YY1: variants seen among roughly 807,000 people sequenced by gnomAD.
The protein encoded by YY1 is transcriptional repressor protein YY1.
Under a neutral mutation model 35.6 loss-of-function variants are expected in YY1, and 2 were observed. The observed-to-expected ratio is 0.06, with a 90% CI of 0.02 to 0.18. The LOEUF is 0.18. Among genes scored for constraint, YY1 ranks in the 10% least tolerant of loss-of-function variants. The probability of loss-of-function intolerance (pLI) is 1.00; values close to 1 mark genes in which losing one functional copy is unlikely to be tolerated. For missense variants in YY1, 322 were observed against 573.4 expected, an observed-to-expected ratio of 0.56 and a Z score of 4.48; for synonymous variants, 268 against 238.9, an observed-to-expected ratio of 1.12 and a Z score of -1.12.
rs1456989718 is a variant in YY1, at chr14:100,239,162, C to T, written c.-83C>T. 23 of 1,290,350 alleles carry T rather than the reference C, an allele frequency of 1.8e-5. No homozygotes were observed. Among genetic ancestry groups the T allele is most frequent in the Non-Finnish European group, 2.2e-5 (23 of 1,024,732 alleles). 79.9% of individuals were successfully genotyped at this position (1,290,350 alleles called of 1,614,324 possible). A position where few individuals can be genotyped will look rare whatever the true frequency, so the allele number is the denominator to read the frequency against. ...CGCCTTCCTCCCTCTGCCTTCCTTCCCCACGGCCGGCCGCCTCCTCGCCCG... is the reference window on the plus strand; with the variant it reads ...CGCCTTCCTCCCTCTGCCTTCCTTCTCCACGGCCGGCCGCCTCCTCGCCCG... On this transcript the variant is annotated 5_prime_UTR_variant, in exon 1 of 5. Coordinates refer to ENST00000262238, the MANE Select transcript of YY1 (RefSeq NM_003403.5).
At chr14:100,264,716 A>G (rs1311102828) in intron 2 of YY1, among the ~76,000 whole-genome samples, 1 of 152,214 alleles carries the variant, frequency 6.6e-6, no homozygotes. Context: ...GGCTAGATTC[A>G]TACAGGCACA....
Position 100,239,443 on chromosome 14 carries a change from C to T in YY1, c.199C>T (p.His67Tyr). 6.3e-7 allele frequency: 1 copy of T among 1,590,358 alleles called. No homozygotes were observed. The highest frequency in any genetic ancestry group is 8.5e-7 in the Non-Finnish European group (1 of 1,171,148). The change falls in exon 1 of 5, where the codon CAC (histidine) becomes TAC (tyrosine). Residue 67 changes from histidine to tyrosine, a missense_variant. By Grantham distance (83) the His-to-Tyr change is moderately conservative. Around this residue, in one of 4 missense-constraint regions of YY1, gnomAD observed 137 missense variants for 167.0 expected, o/e 0.82. Transcript: ENST00000262238. ...CCACGGCGGCGGGGGCGGCCACGGGCACGCCGGCCACCACCACCACCACCA... is the reference window on the plus strand; with the variant it reads ...CCACGGCGGCGGGGGCGGCCACGGGTACGCCGGCCACCACCACCACCACCA... The part of the protein sequence containing the change: ...GDHGGGGGHG[H>Y]AGHHHHHHHH...
chr14:100,280,782 G>T lies in YY1; in HGVS notation c.*3182G>T, dbSNP rs1394295278. ...TTCCAGTCGGGGGAAGCCCGCCTGA[G>T]CAGTGTTTTGAGAGTGCGTACATTG... On this transcript the variant is annotated 3_prime_UTR_variant, in exon 5 of 5. Coordinates refer to ENST00000262238, the MANE Select transcript of YY1 (RefSeq NM_003403.5). 6.6e-6 allele frequency: 1 copy of T among 152,130 alleles called. No homozygotes were observed. Among genetic ancestry groups the T allele is most frequent in the Admixed American group, 6.5e-5 (1 of 15,282 alleles). The allele number at this position is 152,130 out of a possible 1,614,324, so 9.4% of individuals were successfully genotyped here. A position where few individuals can be genotyped will look rare whatever the true frequency, so the allele number is the denominator to read the frequency against.
intron 2 of YY1, among the ~76,000 whole-genome samples, chr14:100,263,546 A>T (rs1022547788): frequency 2.6e-5 from 4 of 152,340 alleles, no homozygotes; most frequent in African/African-American, 9.6e-5. Flanking sequence ...AAAATACCAC[A>T]AAGATGTAAA....
rs376564251 is a variant in YY1 at position 100,276,460 on chromosome 14, G to A, written c.904-30G>A. ...AATCCTTTCTAACAGTTTGCAATGT[G>A]AACTTCTAAGCTGCTTTCTCTGTTT... On this transcript the variant is annotated intron_variant, in intron 3 of 4. Transcript: ENST00000262238. This position sits in a 1 kb window ranked among gnomAD's most constrained non-coding sequence, Gnocchi z 4.1. 53 of 1,613,994 alleles carry A rather than the reference G, an allele frequency of 3.3e-5. No homozygotes were observed. The highest frequency in any genetic ancestry group is 1.7e-4 in the Admixed American group (10 of 59,978).
intron 1 of YY1, among the ~76,000 whole-genome samples, chr14:100,257,261 C>T (rs1891018257): frequency 6.6e-6 from 1 of 152,186 alleles, no homozygotes; most frequent in Non-Finnish European, 1.5e-5. Context: ...CTGTAAGTTC[C>T]TTGAGAGCAG....
At position 100,278,883 on chromosome 14, in the gene YY1, G is replaced by C. The variant is rs931794189; in HGVS notation, c.*1283G>C. Reference sequence around the variant, plus strand: ...GTCCATCAGCCGGCTGCCTTCAGAGGCAGCTCCAGCAGGACCTTGGCTTGT... The same window carrying C: ...GTCCATCAGCCGGCTGCCTTCAGAGCCAGCTCCAGCAGGACCTTGGCTTGT... On this transcript the variant is annotated 3_prime_UTR_variant, in exon 5 of 5. Transcript: ENST00000262238. 6.6e-6 allele frequency: 1 copy of C among 152,274 alleles called. No homozygotes were observed. Among genetic ancestry groups the C allele is most frequent in the Non-Finnish European group, 1.5e-5 (1 of 68,050 alleles). The allele number at this position is 152,274 out of a possible 1,614,324, so 9.4% of individuals were successfully genotyped here.
At chr14:100,241,983 G>GTT (rs1890751878) in intron 1 of YY1, among the ~76,000 whole-genome samples, 1 of 150,822 alleles carries the variant, frequency 6.6e-6, no homozygotes, top group Non-Finnish European at 1.5e-5. Context: ...TCAAAAGGGG[G>GTT]GGGGGGGCAT....
At chr14:100,240,344 C>T (rs1348788527) in intron 1 of YY1, among the ~76,000 whole-genome samples, 1 of 147,758 alleles carries the variant, frequency 6.8e-6, no homozygotes, top group African/African-American at 2.4e-5. Flanking sequence ...CGGGGCTGCG[C>T]CGCGGCCTCG....
intron 1 of YY1, among the ~76,000 whole-genome samples, chr14:100,242,378 G>GTTTTTTT (rs57406488): frequency 1.8e-4 from 20 of 109,954 alleles, no homozygotes; most frequent in South Asian, 3.2e-4. Flanking sequence ...TTTGTTTTTT[G>GTTTTTTT]TTTTTTTTTT....
chr14:100,262,721 A>G lies in YY1; in HGVS notation c.842+255A>G, dbSNP rs190225662. ...AGCCTCTGCCTCCCGGGTTCAAGCA[A>G]TTCTGACAGTCAGTTTTATTTTTAG... On this transcript the variant is annotated intron_variant, in intron 2 of 4. Transcript: ENST00000262238. Among the ~76,000 whole-genome samples, 506 of 152,048 alleles carry G rather than the reference A, an allele frequency of 3.3e-3. 1 individual carries two copies. Among genetic ancestry groups the G allele is most frequent in the African/African-American group, 0.012 (496 of 41,448 alleles).
At chr14:100,253,845 T>C (rs1446490737) in intron 1 of YY1, among the ~76,000 whole-genome samples, 1 of 152,124 alleles carries the variant, frequency 6.6e-6, no homozygotes, top group African/African-American at 2.4e-5. Flanking sequence ...TTTTCTTTTT[T>C]TGAGATGGAG....
chr14:100,267,724 A>G (rs1312661107), intron 2 of YY1, among the ~76,000 whole-genome samples: 1 of 152,068 alleles, frequency 6.6e-6, no homozygotes, highest in African/African-American at 2.4e-5. Flanking sequence ...GGGTTTCACC[A>G]TGTTGGCCAA....
At position 100,239,607 on chromosome 14, in the gene YY1, G is replaced by C. The variant is rs1890693422; in HGVS notation, c.363G>C (p.Leu121=). The C allele has an allele frequency of 6.2e-7, 1 of 1,612,196 alleles. No homozygotes were observed. Among genetic ancestry groups the C allele is most frequent in the Non-Finnish European group, 8.5e-7 (1 of 1,179,642 alleles). ...EVVGGDDSDG[L]RAEDGFEDQI... ...TGGGCGGCGACGACTCGGACGGGCT[G>C]CGCGCCGAGGACGGCTTCGAGGATC... The change falls in exon 1 of 5, where the codon CTG becomes CTC. Residue 121 remains leucine, a synonymous_variant. Coordinates refer to ENST00000262238, the MANE Select transcript of YY1 (RefSeq NM_003403.5).
In YY1 at chr14:100,250,069, G is replaced by A. The variant is rs114435124; in HGVS notation, c.679+10146G>A. On this transcript the variant is annotated intron_variant, in intron 1 of 4. Transcript: ENST00000262238. ...ATTACAGGCGTGAGCCACTGCACCC[G>A]GCCTACTTACTGCTCTTTAGATACA... 5.1e-3 allele frequency among the ~76,000 whole-genome samples: 783 copies of A among 152,244 alleles called. 4 individuals are homozygous for A. Among genetic ancestry groups the A allele is most frequent in the African/African-American group, 0.018 (741 of 41,532 alleles).
At chr14:100,257,210 C>A (rs1419362620) in intron 1 of YY1, among the ~76,000 whole-genome samples, 2 of 152,100 alleles carry the variant, frequency 1.3e-5, no homozygotes, top group Admixed American at 6.6e-5. Flanking sequence ...GTTCTGAGCC[C>A]CACTCAAGAA....
chr14:100,256,296 C>G (rs1013067922), intron 1 of YY1, among the ~76,000 whole-genome samples: 1 of 152,172 alleles, frequency 6.6e-6, no homozygotes, highest in Admixed American at 6.6e-5. Context: ...CAAAGAGGAA[C>G]TCTAAATCTT....
intron 2 of YY1, 99 bp from the exon 3 acceptor site, chr14:100,274,599 G>C: frequency 1.0e-6 from 1 of 1,003,970 alleles, no homozygotes; most frequent in African/African-American, 1.6e-5. Context: ...TTTTAGTTTG[G>C]GTACCTATAA....
At chr14:100,257,426 C>A (rs1330695265) in intron 1 of YY1, among the ~76,000 whole-genome samples, 2 of 152,132 alleles carry the variant, frequency 1.3e-5, no homozygotes, top group African/African-American at 2.4e-5. Context: ...TTGAGACATG[C>A]CCTCTGGGGT....
Sources: gnomAD v4.1 joint callset for allele counts (sites outside exome capture counted in the v4.1 genomes callset) on GRCh38, gnomAD v4.1.1 for gene constraint, gnomAD v4.1.1 regional missense constraint, Gnocchi (gnomAD v3.1) non-coding constraint, MANE v1.5 for transcripts, NCBI Gene and HGNC (gene_info 2026-07-23, HGNC 2026-07-21) for gene names.